MAP2K1: variants seen among roughly 807,000 people sequenced by gnomAD.
MAP2K1 encodes the protein dual specificity mitogen-activated protein kinase kinase 1.
A neutral mutation model predicts 46.3 loss-of-function variants in MAP2K1; 16 were observed. The ratio of observed to expected loss-of-function variants is 0.35; its 90% CI spans 0.23 to 0.52. The LOEUF (loss-of-function observed/expected upper bound fraction) is 0.52. Ranked by LOEUF, MAP2K1 falls within the 20% of genes least tolerant of loss-of-function variation. MAP2K1 has a pLI of 0.94. For synonymous variants in MAP2K1, 183 were observed against 185.6 expected (o/e 0.99, Z 0.11); for missense variants, 263 against 497.1 (o/e 0.53, Z 4.48).
intron 5 of MAP2K1, among the ~76,000 whole-genome samples, chr15:66,453,872 C>T (rs1023031504): frequency 1.8e-4 from 27 of 152,134 alleles, no homozygotes; most frequent in Non-Finnish European, 2.9e-4. Flanking sequence ...AGTCATGGCT[C>T]ACTATAGCCT....
At chr15:66,423,346 C>T (rs1226406374) in intron 1 of MAP2K1, among the ~76,000 whole-genome samples, 1 of 152,052 alleles carries the variant, frequency 6.6e-6, no homozygotes, top group African/African-American at 2.4e-5. Flanking sequence ...ACATCTGGGT[C>T]ATCTGAGTCT....
chr15:66,416,017 A>G (rs2093423808), intron 1 of MAP2K1, among the ~76,000 whole-genome samples: 1 of 152,088 alleles, frequency 6.6e-6, no homozygotes, highest in African/African-American at 2.4e-5. Context: ...TCTAAACCTA[A>G]TTCTTTAGCA....
intron 1 of MAP2K1, among the ~76,000 whole-genome samples, chr15:66,409,085 C>T (rs1272668996): frequency 2.0e-5 from 3 of 152,126 alleles, no homozygotes; most frequent in African/African-American, 7.2e-5. Flanking sequence ...TAGCATCTGT[C>T]CTGGGAGGCT....
intron 5 of MAP2K1, among the ~76,000 whole-genome samples, chr15:66,470,778 G>C (rs527474623): frequency 1.3e-5 from 2 of 152,276 alleles, no homozygotes; most frequent in South Asian, 4.1e-4. Context: ...GAATAACTGA[G>C]ACAGGTCTCA....
intron 1 of MAP2K1, among the ~76,000 whole-genome samples, chr15:66,420,759 G>GTATA (rs772406179): frequency 0.011 from 439 of 40,062 alleles, 69 homozygotes; most frequent in Non-Finnish European, 0.013. Flanking sequence ...GTGTGTGTGT[G>GTATA]TATGTGTGTA....
chr15:66,396,598 C>T (rs1211957623), intron 1 of MAP2K1, among the ~76,000 whole-genome samples: 1 of 151,962 alleles, frequency 6.6e-6, no homozygotes, highest in East Asian at 1.9e-4. Flanking sequence ...CAAGATCTTA[C>T]ATAAAGCTTA....
intron 5 of MAP2K1, among the ~76,000 whole-genome samples, chr15:66,449,573 A>T (rs1332470750): frequency 6.6e-6 from 1 of 152,208 alleles, no homozygotes; most frequent in Non-Finnish European, 1.5e-5. Context: ...AATGCATGAA[A>T]GTATACACTT....
intron 1 of MAP2K1, among the ~76,000 whole-genome samples, chr15:66,418,003 T>C (rs566544856): frequency 6.6e-6 from 1 of 152,078 alleles, no homozygotes; most frequent in African/African-American, 2.4e-5. Flanking sequence ...CAACAAAGAA[T>C]TGGACAAAAT....
At chr15:66,456,333 T>G (rs1892165070) in intron 5 of MAP2K1, among the ~76,000 whole-genome samples, 1 of 152,206 alleles carries the variant, frequency 6.6e-6, no homozygotes, top group South Asian at 2.1e-4. Flanking sequence ...TAGAATCCGA[T>G]GTGACATAGT....
chr15:66,477,735 C>G (rs1892789146), intron 5 of MAP2K1, among the ~76,000 whole-genome samples: 1 of 152,102 alleles, frequency 6.6e-6, no homozygotes, highest in South Asian at 2.1e-4. Flanking sequence ...GGTGAGGGAG[C>G]CTGGTGCCGT....
chr15:66,481,131 G>T (rs563743760), intron 5 of MAP2K1, among the ~76,000 whole-genome samples: 1 of 152,078 alleles, frequency 6.6e-6, no homozygotes, highest in Non-Finnish European at 1.5e-5. Flanking sequence ...GGTAGCAAGG[G>T]GTTCCCCTTG....
chr15:66,419,027 C>T (rs1171054544), intron 1 of MAP2K1, among the ~76,000 whole-genome samples: 12 of 141,712 alleles, frequency 8.5e-5, no homozygotes, highest in Non-Finnish European at 1.4e-4. Context: ...AGTGCAATGG[C>T]GCAATCTTGG....
chr15:66,448,544 G>A (rs556734700), intron 5 of MAP2K1, among the ~76,000 whole-genome samples: 1 of 152,312 alleles, frequency 6.6e-6, no homozygotes, highest in South Asian at 2.1e-4. Context: ...TATTGTGCAA[G>A]TGTTCCCTCT....
intron 5 of MAP2K1, among the ~76,000 whole-genome samples, chr15:66,477,673 A>C (rs1349145710): frequency 2.0e-5 from 3 of 152,198 alleles, no homozygotes; most frequent in African/African-American, 7.2e-5. Flanking sequence ...TTTTACTCTA[A>C]AACAGGCTTA....
At chr15:66,473,510 C>G (rs1892687578) in intron 5 of MAP2K1, among the ~76,000 whole-genome samples, 1 of 152,142 alleles carries the variant, frequency 6.6e-6, no homozygotes. Flanking sequence ...GATCATATTA[C>G]TGCACTCCAG....
rs191827693 is a variant in MAP2K1 at position 66,436,004 on chromosome 15, C to G, written c.292-742C>G. On this transcript the variant is annotated intron_variant, in intron 2 of 10. Coordinates refer to ENST00000307102, the MANE Select transcript of MAP2K1 (RefSeq NM_002755.4). ...CTTGGTCCTCTTTTGGAATACAGCC[C>G]CTTGCTCCAGAGAGGTTGGGCTCTT... 2.3e-3 allele frequency among the ~76,000 whole-genome samples: 352 copies of G among 152,284 alleles called. 1 individual carries two copies. Among genetic ancestry groups the G allele is most frequent in the African/African-American group, 7.6e-3 (317 of 41,556 alleles).
intron 7 of MAP2K1, among the ~76,000 whole-genome samples, chr15:66,485,891 G>A (rs1893027350): frequency 6.6e-6 from 1 of 151,702 alleles, no homozygotes; most frequent in Admixed American, 6.6e-5. Flanking sequence ...CTAATTTGTG[G>A]GTTTTTTTTG....
intron 10 of MAP2K1, 49 bp from the exon 11 acceptor site, chr15:66,490,453 T>G: frequency 7.1e-7 from 1 of 1,399,786 alleles, no homozygotes; most frequent in Non-Finnish European, 1.0e-6. Context: ...GTGGGTTTTG[T>G]TTTTTTGTTT....
Position 66,398,419 on chromosome 15 carries a change from A to C in MAP2K1, c.80+10992A>C, listed in dbSNP as rs2093373380. ...GAGAGTGGGACCCTGTCTCCAAAGA[A>C]AAGGTGATATCAAGGGAAAAAAAGG... On this transcript the variant is annotated intron_variant, in intron 1 of 10. Transcript: ENST00000307102. Among the ~76,000 whole-genome samples, 2 of 152,102 alleles carry C rather than the reference A, an allele frequency of 1.3e-5. 1 individual carries two copies. The highest frequency in any genetic ancestry group is 4.1e-4 in the South Asian group (2 of 4,824).
Sources: allele counts gnomAD v4.1 joint callset (sites outside exome capture counted in the v4.1 genomes callset), GRCh38; gene constraint gnomAD v4.1.1; transcripts MANE v1.5; gene names NCBI Gene and HGNC (gene_info 2026-07-23, HGNC 2026-07-21).